FRAS1: variants seen among roughly 807,000 people sequenced by gnomAD.
FRAS1 encodes the protein Fraser extracellular matrix complex subunit 1, also known as extracellular matrix organizing protein FRAS1.
In FRAS1, 290 loss-of-function variants were observed where a neutral mutation model predicts 435.2. That is an observed-to-expected ratio of 0.67 (90% CI 0.61 to 0.73). FRAS1 has a LOEUF of 0.73. Ranked by LOEUF, FRAS1 falls within the 30% of genes least tolerant of loss-of-function variation. FRAS1 has a pLI of 0.00. For missense variants in FRAS1, 4,860 were observed against 5,001.5 expected (o/e 0.97, Z 0.85); for synonymous variants, 1,800 against 1,851.0 (o/e 0.97, Z 0.71).
intron 3 of FRAS1, among the ~76,000 whole-genome samples, chr4:78,238,746 G>A (rs1221767342): frequency 6.6e-6 from 1 of 152,084 alleles, no homozygotes; most frequent in Non-Finnish European, 1.5e-5. Flanking sequence ...AAAACGCCAT[G>A]AAAAATGCCC....
rs1197571642 is a variant in FRAS1, at chr4:78,522,672, A to G, written c.10672A>G (p.Thr3558Ala). The G allele has an allele frequency of 1.9e-6, 3 of 1,606,644 alleles. No individual in the cohort carries two copies. The highest frequency in any genetic ancestry group is 1.7e-5 in the Admixed American group (1 of 59,144). ...FRGQFVMEHH[T>A]LPEVKSFVLT... ...AGGACAGTTTGTGATGGAGCATCAC[A>G]CTCTCCCAGAAGTGAAATCTTTCGT... The change falls in exon 69 of 74, where the codon ACT (threonine) becomes GCT (alanine). Residue 3558 changes from threonine (T) to alanine (A), a missense_variant. By Grantham distance (58) the Thr-to-Ala change is moderately conservative (BLOSUM62 0). Transcript: ENST00000512123.
chr4:78,439,925 C>T, intron 40 of FRAS1, among the ~76,000 whole-genome samples: 1 of 152,134 alleles, frequency 6.6e-6, no homozygotes, highest in East Asian at 1.9e-4. Context: ...ATTCACTTTC[C>T]TCCCTGCTCT....
chr4:78,133,624 C>T (rs1719784717), intron 2 of FRAS1, among the ~76,000 whole-genome samples: 3 of 152,156 alleles, frequency 2.0e-5, no homozygotes, highest in Admixed American at 2.0e-4. Flanking sequence ...CAAAACATCT[C>T]ATGTACCCCA....
intron 6 of FRAS1, among the ~76,000 whole-genome samples, chr4:78,257,340 GGCC>G (rs1382913558): frequency 6.6e-6 from 1 of 152,018 alleles, no homozygotes; most frequent in Non-Finnish European, 1.5e-5. Context: ...CCATTACCAA[GGCC>G]ATGATTACTT....
At chr4:78,364,441 A>T (rs1455388943) in intron 22 of FRAS1, among the ~76,000 whole-genome samples, 1 of 152,230 alleles carries the variant, frequency 6.6e-6, no homozygotes, top group Non-Finnish European at 1.5e-5. Context: ...GTATGCAATC[A>T]GTGGACTAAG....
At chr4:78,482,787 T>A (rs531687914) in intron 58 of FRAS1, among the ~76,000 whole-genome samples, 1 of 152,304 alleles carries the variant, frequency 6.6e-6, no homozygotes, top group East Asian at 1.9e-4. Flanking sequence ...AGAAGCTCAG[T>A]GTCTCCCTGT....
intron 65 of FRAS1, among the ~76,000 whole-genome samples, chr4:78,513,806 C>T (rs1429620229): frequency 5.9e-5 from 9 of 152,328 alleles, no homozygotes; most frequent in Middle Eastern, 6.8e-3. Flanking sequence ...CTTTCTGAGC[C>T]ACTGTTGTCT....
chr4:78,231,017 C>T (rs1724496469), intron 2 of FRAS1, among the ~76,000 whole-genome samples: 1 of 152,078 alleles, frequency 6.6e-6, no homozygotes, highest in South Asian at 2.1e-4. Flanking sequence ...TGCAGTGGCA[C>T]GAACTCGGCT....
At chr4:78,106,165 T>C (rs1483310984) in intron 2 of FRAS1, among the ~76,000 whole-genome samples, 2 of 93,026 alleles carry the variant, frequency 2.1e-5, no homozygotes, top group East Asian at 5.0e-4. Flanking sequence ...GCAACTAGGC[T>C]GGGGGAGGGG....
intron 2 of FRAS1, among the ~76,000 whole-genome samples, chr4:78,230,399 C>T (rs1036983868): frequency 2.0e-5 from 3 of 152,168 alleles, no homozygotes; most frequent in African/African-American, 7.2e-5. Flanking sequence ...GTCCTCTGCT[C>T]CTTTTTATTT....
intron 2 of FRAS1, among the ~76,000 whole-genome samples, chr4:78,165,662 G>A (rs568245663): frequency 6.6e-6 from 1 of 152,338 alleles, no homozygotes; most frequent in African/African-American, 2.4e-5. Context: ...CCAGGCTTGT[G>A]TGATCTTGAT....
chr4:78,098,735 T>G (rs1051157352), intron 2 of FRAS1, among the ~76,000 whole-genome samples: 2 of 152,196 alleles, frequency 1.3e-5, no homozygotes, highest in African/African-American at 4.8e-5. Flanking sequence ...AGGAGCTACA[T>G]GAAGGCATGG....
At position 78,486,933 on chromosome 4, in the gene FRAS1, T is replaced by C. The variant is rs114817714; in HGVS notation, c.8753-1942T>C. Among the ~76,000 whole-genome samples the C allele has an allele frequency of 4.2e-3, 629 of 151,240 alleles. 6 individuals carry two copies. The highest frequency in any genetic ancestry group is 0.014 in the African/African-American group (594 of 41,200). On this transcript the variant is annotated intron_variant, in intron 58 of 73. Transcript: ENST00000512123. ...TTTATACCTCAAGAGGAATTTGGAGTTGATTAATGCATGACCAAACCTAAA... is the reference window on the plus strand; with the variant it reads ...TTTATACCTCAAGAGGAATTTGGAGCTGATTAATGCATGACCAAACCTAAA...
chr4:78,337,378 C>A (rs1730211129), intron 19 of FRAS1, among the ~76,000 whole-genome samples: 1 of 152,190 alleles, frequency 6.6e-6, no homozygotes, highest in South Asian at 2.1e-4. Context: ...ATGATTTGAA[C>A]TTCCTTACTT....
At chr4:78,189,064 C>G (rs1050323293) in intron 2 of FRAS1, among the ~76,000 whole-genome samples, 1 of 152,276 alleles carries the variant, frequency 6.6e-6, no homozygotes, top group Middle Eastern at 3.4e-3. Flanking sequence ...AAGGTTTGCT[C>G]ATGTTAAAGG....
intron 2 of FRAS1, among the ~76,000 whole-genome samples, chr4:78,195,754 C>T (rs111374143): frequency 4.6e-5 from 7 of 152,242 alleles, no homozygotes; most frequent in African/African-American, 1.4e-4. Context: ...TGCTTCGGCT[C>T]ACACTCAGTG....
In FRAS1 at chr4:78,509,740, A is replaced by G. The variant is rs1720972664; in HGVS notation, c.9780+734A>G. ...CCACCACAGTGATCCTGCACATCATACTGATAAAGCTGGTTCTCTTCCAAA... is the reference window on the plus strand; with the variant it reads ...CCACCACAGTGATCCTGCACATCATGCTGATAAAGCTGGTTCTCTTCCAAA... On this transcript the variant is annotated intron_variant, in intron 63 of 73. Transcript: ENST00000512123. Among the ~76,000 whole-genome samples, 3 of 152,260 alleles carry G rather than the reference A, an allele frequency of 2.0e-5. No individual in the cohort carries two copies. The South Asian group carries it at 6.2e-4, about 32-fold the overall frequency.
chr4:78,081,275 C>T (rs1024639061), intron 2 of FRAS1, among the ~76,000 whole-genome samples: 10 of 152,166 alleles, frequency 6.6e-5, no homozygotes, highest in African/African-American at 2.4e-4. Context: ...GAAAATGCTC[C>T]ATATCTGTGT....
Position 78,441,295 on chromosome 4 carries a change from C to T in FRAS1, c.5663C>T (p.Thr1888Ile), listed in dbSNP as rs1734649492. ...PKYGCIENTG[T>I]GDRFGPETAS... is the part of the protein sequence containing the mutation. The stretch of plus-strand genomic sequence containing the variant: ...TATGGCTGCATTGAGAACACAGGAA[C>T]AGGTACTACTTCCTGTAAAACTGTT... Residue 1888 changes from threonine to isoleucine, a missense_variant and splice_region_variant, in exon 41 of 74, where the codon ACA (threonine) becomes ATA (isoleucine). Physicochemically the swap from Thr to Ile is moderately conservative, Grantham distance 89. Coordinates refer to ENST00000512123, the MANE Select transcript of FRAS1 (RefSeq NM_025074.7). The T allele has an allele frequency of 6.2e-7, 1 of 1,610,798 alleles. No individual in the cohort carries two copies.
Sources: gnomAD v4.1 joint callset for allele counts (sites outside exome capture counted in the v4.1 genomes callset) on GRCh38, gnomAD v4.1.1 for gene constraint, MANE v1.5 for transcripts, NCBI Gene and HGNC (gene_info 2026-07-23, HGNC 2026-07-21) for gene names.